The following CCNL1 variants were observed in gnomAD, a reference collection of about 807,000 sequenced individuals.
The protein encoded by CCNL1 is cyclin L1.
Under a neutral mutation model 60.6 loss-of-function variants are expected in CCNL1, and 13 were observed. The ratio of observed to expected loss-of-function variants is 0.21; its 90% CI spans 0.14 to 0.34. The LOEUF is 0.34. Among genes scored for constraint, CCNL1 ranks in the 10% least tolerant of loss-of-function variants. The probability of loss-of-function intolerance (pLI) is 1.00; values close to 1 mark genes in which losing one functional copy is unlikely to be tolerated. For synonymous variants in CCNL1, 270 were observed against 244.3 expected (o/e 1.10, Z -0.98); for missense variants, 481 against 664.3 (o/e 0.72, Z 3.03).
At position 157,147,636 on chromosome 3, in the gene CCNL1, G is replaced by A; in HGVS notation, c.*605C>T. On this transcript the variant is annotated 3_prime_UTR_variant, in exon 11 of 11. Transcript: ENST00000295926. ...TTACTTTTTCCATATATACAGTGAAGACTTACAATAGCTCACAATGCAGTT... is the reference window on the plus strand; with the variant it reads ...TTACTTTTTCCATATATACAGTGAAAACTTACAATAGCTCACAATGCAGTT... 1.0e-6 allele frequency: 1 copy of A among 984,928 alleles called. No homozygotes were observed. The highest frequency in any genetic ancestry group is 4.7e-5 in the South Asian group (1 of 21,274). The allele number at this position is 984,928 out of a possible 1,614,324, so 61.0% of individuals were successfully genotyped here.
intron 3 of CCNL1, among the ~76,000 whole-genome samples, chr3:157,155,946 T>G (rs1170360727): frequency 6.6e-6 from 1 of 152,230 alleles, no homozygotes; most frequent in Non-Finnish European, 1.5e-5. Flanking sequence ...CCAATTTTTC[T>G]GATTTATACG....
At chr3:157,150,603 T>C in intron 5 of CCNL1, 1 of 1,216,324 alleles carries the variant, frequency 8.2e-7, no homozygotes. Flanking sequence ...AGCGAAGCCC[T>C]TTTAAATTAT....
intron 10 of CCNL1, 124 bp downstream of exon 10, chr3:157,149,163 C>T: frequency 2.9e-6 from 2 of 685,752 alleles, no homozygotes; most frequent in Middle Eastern, 3.6e-4. Flanking sequence ...TCATAATTTG[C>T]CTCATACTAA....
At chr3:157,157,445 G>A (rs1162486273) in intron 3 of CCNL1, among the ~76,000 whole-genome samples, 1 of 152,134 alleles carries the variant, frequency 6.6e-6, no homozygotes, top group East Asian at 1.9e-4. Context: ...CATAATAGTT[G>A]GCTCAATGGT....
At chr3:157,144,050 T>C (rs1344324416), downstream of CCNL1, among the ~76,000 whole-genome samples, 8 of 152,310 alleles carry the variant, frequency 5.3e-5, no homozygotes, top group South Asian at 1.4e-3. Flanking sequence ...GGAAATTTGA[T>C]GAGCTATAAA....
chr3:157,151,920 C>G, intron 5 of CCNL1: 1 of 1,277,878 alleles, frequency 7.8e-7, no homozygotes, highest in Non-Finnish European at 1.0e-6. Flanking sequence ...GACTTACCAT[C>G]ATGGACTACC....
intron 3 of CCNL1, chr3:157,154,669 T>C (rs144734548): frequency 6.6e-6 from 1 of 152,296 alleles, no homozygotes; most frequent in African/African-American, 2.4e-5. Flanking sequence ...CATTTAAAAT[T>C]ATTACAGAAA....
At position 157,150,333 on chromosome 3, in the gene CCNL1, T is replaced by G. The variant is rs541834293; in HGVS notation, c.723A>C (p.Gln241His). 1 of 1,614,012 alleles carries G rather than the reference T, an allele frequency of 6.2e-7. No homozygotes were observed. Among genetic ancestry groups the G allele is most frequent in the Admixed American group, 1.7e-5 (1 of 60,008 alleles). Residue 241 changes from glutamine (Q) to histidine (H), a missense_variant, in exon 6 of 11, where the codon CAA becomes CAC. Coordinates refer to ENST00000295926, the MANE Select transcript of CCNL1 (RefSeq NM_020307.4). ...TGCAAGCACATGCTATAGTCTCTGGTTGAAATCGAACAAACACATTGGTTC... is the reference window on the plus strand; with the variant it reads ...TGCAAGCACATGCTATAGTCTCTGGGTGAAATCGAACAAACACATTGGTTC... The part of the protein sequence containing the change: ...SLRTNVFVRF[Q>H]PETIACACIY...
chr3:157,145,271 C>T (rs973667665), downstream of CCNL1, among the ~76,000 whole-genome samples: 1 of 151,622 alleles, frequency 6.6e-6, no homozygotes, highest in East Asian at 1.9e-4. Context: ...CCCGTCTCTA[C>T]TAAAAACACA....
chr3:157,149,688 C>T (rs570736178), intron 8 of CCNL1, 92 bp from the exon 9 acceptor site: 337 of 1,460,260 alleles, frequency 2.3e-4, no homozygotes, highest in Middle Eastern at 6.3e-4. Context: ...ACCATGCTTC[C>T]GCTTCCATGT....
At chr3:157,143,564 C>T (rs1737703782), downstream of CCNL1, among the ~76,000 whole-genome samples, 1 of 152,110 alleles carries the variant, frequency 6.6e-6, no homozygotes, top group Non-Finnish European at 1.5e-5. Flanking sequence ...ACAGAGCTGC[C>T]CCTCCCTTAC....
chr3:157,159,805 A>G lies in CCNL1; in HGVS notation c.290T>C (p.Leu97Pro). Residue 97 changes from leucine to proline, a missense_variant, in exon 1 of 11, where the codon CTC (leucine) becomes CCC (proline). Leu to Pro is a moderately conservative substitution (Grantham distance 98). Around this residue, in one of 5 missense-constraint regions of CCNL1, gnomAD observed 130 missense variants for 174.5 expected, o/e 0.75. Coordinates refer to ENST00000295926, the MANE Select transcript of CCNL1 (RefSeq NM_020307.4). ...CGGAGCACTGACCTGCGGCAGCCGGAGGAGAATGCCGGCGGCCTGGATGAG... is the reference window on the plus strand; with the variant it reads ...CGGAGCACTGACCTGCGGCAGCCGGGGGAGAATGCCGGCGGCCTGGATGAG... ...CELIQAAGIL[L>P]RLPQVAMATG... 6.5e-7 allele frequency: 1 copy of G among 1,537,610 alleles called. No individual in the cohort carries two copies. Among genetic ancestry groups the G allele is most frequent in the Non-Finnish European group, 8.8e-7 (1 of 1,136,026 alleles).
At chr3:157,155,431 G>C (rs4680342) in intron 3 of CCNL1, among the ~76,000 whole-genome samples, 62,258 of 151,868 alleles carry the variant, frequency 0.41, 13,162 homozygotes, top group East Asian at 0.58. Context: ...GTGTCAAAAT[G>C]CCAATGACAT....
chr3:157,150,226 C>A, intron 6 of CCNL1, 56 bp downstream of exon 6: 7 of 1,609,298 alleles, frequency 4.3e-6, no homozygotes, highest in Non-Finnish European at 5.9e-6. Context: ...TGTATTGGAA[C>A]CACCGAAAAT....
At position 157,159,414 on chromosome 3, in the gene CCNL1, G is replaced by T; in HGVS notation, c.369C>A (p.His123Gln). 1 of 1,614,128 alleles carries T rather than the reference G, an allele frequency of 6.2e-7. No homozygotes were observed. Among genetic ancestry groups the T allele is most frequent in the Non-Finnish European group, 8.5e-7 (1 of 1,179,964 alleles). ...RFFYSKSFVK[H>Q]SFEIVAMACI... ...CCTCCGCTGTGCTTACCTCGAAACTGTGTTTGACGAAAGATTTGGAGTAGA... is the reference window on the plus strand; with the variant it reads ...CCTCCGCTGTGCTTACCTCGAAACTTTGTTTGACGAAAGATTTGGAGTAGA... Residue 123 changes from histidine to glutamine, a missense_variant, in exon 2 of 11, where the codon CAC becomes CAA. This residue lies in a region of CCNL1 where 130 missense variants were observed against 174.5 expected (regional missense o/e 0.75). Transcript: ENST00000295926.
intron 3 of CCNL1, among the ~76,000 whole-genome samples, chr3:157,158,159 A>G (rs192850440): frequency 5.3e-5 from 8 of 152,322 alleles, no homozygotes; most frequent in Admixed American, 4.6e-4. Flanking sequence ...TTACCACAAC[A>G]CCTAGGAGAT....
At position 157,153,033 on chromosome 3, in the gene CCNL1, C is replaced by G. The variant is rs750884119; in HGVS notation, c.609+3G>C. The G allele has an allele frequency of 1.2e-6, 2 of 1,613,236 alleles. No individual in the cohort carries two copies. Among genetic ancestry groups the G allele is most frequent in the Admixed American group, 3.3e-5 (2 of 59,904 alleles). ...AACCCAATTTCTGTACTCTACAACT[C>G]ACCTTATGAGGATGCTTGACATGAA... is the stretch of plus-strand genomic sequence containing the variant. On this transcript the variant is annotated splice_donor_region_variant and intron_variant, in intron 4 of 10. Coordinates refer to ENST00000295926, the MANE Select transcript of CCNL1 (RefSeq NM_020307.4).
In CCNL1 at chr3:157,149,317, G is replaced by T; in HGVS notation, c.1202C>A (p.Ser401Ter). The T allele has an allele frequency of 6.2e-7, 1 of 1,613,766 alleles. No homozygotes were observed. Among genetic ancestry groups the T allele is most frequent in the South Asian group, 1.1e-5 (1 of 91,070 alleles). The stretch of plus-strand genomic sequence containing the variant: ...TCTTGGAGTATGTGATCTAGAACGT[G>T]ATCGTGTTCTTGACCTCGATCGACT... ...SASRSRSRTR[S>*]RSRSHTPRRH... The change falls in exon 10 of 11, where the codon TCA (serine) becomes TAA (stop). Residue 401 changes from serine (S) to a stop codon, truncating the protein, a stop_gained. Coordinates refer to ENST00000295926, the MANE Select transcript of CCNL1 (RefSeq NM_020307.4). LOFTEE classifies it high-confidence loss of function.
At chr3:157,148,629 T>C in intron 10 of CCNL1, 40 bp from the exon 11 acceptor site, 1 of 1,519,406 alleles carries the variant, frequency 6.6e-7, no homozygotes, top group Middle Eastern at 1.8e-4. Context: ...TCAGTTTCTA[T>C]GGGGAACAGA....
Sources: gnomAD v4.1 joint callset for allele counts (sites outside exome capture counted in the v4.1 genomes callset) on GRCh38, gnomAD v4.1.1 for gene constraint, gnomAD v4.1.1 regional missense constraint, MANE v1.5 for transcripts, NCBI Gene and HGNC (gene_info 2026-07-23, HGNC 2026-07-21) for gene names.